BUB1B: variants seen among roughly 807,000 people sequenced by gnomAD.
BUB1B encodes the protein mitotic checkpoint serine/threonine-protein kinase BUB1 beta.
A neutral mutation model predicts 137.7 loss-of-function variants in BUB1B; 86 were observed. The ratio of observed to expected loss-of-function variants is 0.62; its 90% CI spans 0.52 to 0.75. The LOEUF (loss-of-function observed/expected upper bound fraction) is 0.75. Ranked by LOEUF, BUB1B falls within the 30% of genes least tolerant of loss-of-function variation. BUB1B has a pLI of 0.00. For synonymous variants in BUB1B, 420 were observed against 417.9 expected, an observed-to-expected ratio of 1.00 and a Z score of -0.06; for missense variants, 1,130 against 1,236.9, an observed-to-expected ratio of 0.91 and a Z score of 1.30.
intron 16 of BUB1B, 86 bp downstream of exon 16, chr15:40,208,856 A>G: frequency 7.3e-7 from 1 of 1,365,626 alleles, no homozygotes; most frequent in South Asian, 1.2e-5. Context: ...TTTTTTTGAG[A>G]CAGGGTCTCA....
chr15:40,200,962 G>A lies in BUB1B; in HGVS notation c.1549G>A (p.Glu517Lys). Residue 517 changes from glutamate (E) to lysine (K), a missense_variant, in exon 12 of 23, where the codon GAA becomes AAA. Physicochemically the swap from Glu to Lys is moderately conservative, Grantham distance 56 (BLOSUM62 1). Coordinates refer to ENST00000287598, the MANE Select transcript of BUB1B (RefSeq NM_001211.6). Reference protein sequence around the residue: ...ETSLAENIWQEQPHSKGPSVP... With the variant: ...ETSLAENIWQKQPHSKGPSVP... Reference sequence around the variant, plus strand: ...TTCACTTGCGGAGAACATTTGGCAGGAACAACCTCATTCTAAAGGTGAGTT... The same window carrying A: ...TTCACTTGCGGAGAACATTTGGCAGAAACAACCTCATTCTAAAGGTGAGTT... The A allele has an allele frequency of 1.9e-6, 3 of 1,613,284 alleles. No individual in the cohort carries two copies. The highest frequency in any genetic ancestry group is 2.5e-6 in the Non-Finnish European group (3 of 1,179,542).
intron 20 of BUB1B, 175 bp from the exon 21 acceptor site, chr15:40,217,321 T>C (rs779302164): frequency 3.1e-6 from 2 of 653,812 alleles, no homozygotes; most frequent in Non-Finnish European, 5.4e-6. Context: ...TCCTTCCGCA[T>C]TGGGTGGACA....
At chr15:40,163,607 T>C (rs2037062873) in intron 1 of BUB1B, among the ~76,000 whole-genome samples, 1 of 152,226 alleles carries the variant, frequency 6.6e-6, no homozygotes, top group African/African-American at 2.4e-5. Flanking sequence ...ATGACTGCAG[T>C]CATTCACTGA....
chr15:40,220,730 A>G lies in BUB1B; in HGVS notation c.3124A>G (p.Thr1042Ala), dbSNP rs761776038. 5.0e-6 allele frequency: 8 copies of G among 1,614,162 alleles called. No homozygotes were observed. Among genetic ancestry groups the G allele is most frequent in the Non-Finnish European group, 5.9e-6 (7 of 1,180,020 alleles). Residue 1042 changes from threonine (T) to alanine (A), a missense_variant, in exon 23 of 23, where the codon ACT becomes GCT. By Grantham distance (58) the Thr-to-Ala change is moderately conservative. Transcript: ENST00000287598. ...NKALWKVGKL[T>A]SPGALLFQ The stretch of plus-strand genomic sequence containing the variant: ...AGCCTTATGGAAGGTAGGGAAGTTA[A>G]CTAGTCCTGGGGCTTTGCTCTTTCA...
At position 40,212,534 on chromosome 15, in the gene BUB1B, C is replaced by G. The variant is rs1003355350; in HGVS notation, c.2421C>G (p.Ile807Met). 5.0e-6 allele frequency: 8 copies of G among 1,612,816 alleles called. No individual in the cohort carries two copies. The African/African-American group carries it at 1.1e-4, about 22-fold the overall frequency. The change falls in exon 19 of 23, where the codon ATC becomes ATG. Residue 807 changes from isoleucine to methionine, a missense_variant. Coordinates refer to ENST00000287598, the MANE Select transcript of BUB1B (RefSeq NM_001211.6). ...SSQPVPWDFY[I>M]NLKLKERLNE... Reference sequence around the variant, plus strand: ...AACCTGTCCCATGGGACTTTTATATCAACCTCAAGTTAAAGGAACGTTTAA... The same window carrying G: ...AACCTGTCCCATGGGACTTTTATATGAACCTCAAGTTAAAGGAACGTTTAA...
At chr15:40,182,377 C>T (rs1471330545) in intron 5 of BUB1B, among the ~76,000 whole-genome samples, 1 of 152,132 alleles carries the variant, frequency 6.6e-6, no homozygotes, top group African/African-American at 2.4e-5. Context: ...AGACTCTGAT[C>T]CTGTTGGCCA....
At chr15:40,162,486 C>T (rs1280347808) in intron 1 of BUB1B, among the ~76,000 whole-genome samples, 1 of 152,052 alleles carries the variant, frequency 6.6e-6, no homozygotes, top group African/African-American at 2.4e-5. Context: ...GCAAGGGACA[C>T]CAGTTAAGAG....
intron 5 of BUB1B, among the ~76,000 whole-genome samples, chr15:40,180,699 C>G (rs111697856): frequency 0.069 from 8,376 of 121,732 alleles, 830 homozygotes; most frequent in African/African-American, 0.24. Flanking sequence ...GTCCGGGCTA[C>G]AGTGCAGTGG....
chr15:40,183,192 C>G (rs932473003), intron 5 of BUB1B, among the ~76,000 whole-genome samples: 2 of 152,154 alleles, frequency 1.3e-5, no homozygotes, highest in African/African-American at 2.4e-5. Context: ...GTTTACTTTT[C>G]AAACTTCTGC....
rs778499288 is a variant in BUB1B, at chr15:40,196,787, C to T, written c.1288+13C>T. The T allele has an allele frequency of 3.1e-6, 5 of 1,612,048 alleles. No homozygotes were observed. The highest frequency in any genetic ancestry group is 4.2e-6 in the Non-Finnish European group (5 of 1,178,272). ...GAGCAAAGGGAAGGTGTGTGTAATT[C>T]AAGTTTGTGAAGAGGACTTAACTTA... On this transcript the variant is annotated intron_variant, in intron 9 of 22. Transcript: ENST00000287598.
In BUB1B at chr15:40,205,396, A is replaced by G. The variant is rs968825296; in HGVS notation, c.1735-788A>G. Among the ~76,000 whole-genome samples, 3 of 152,308 alleles carry G rather than the reference A, an allele frequency of 2.0e-5. No individual in the cohort carries two copies. The South Asian group carries it at 6.2e-4, about 32-fold the overall frequency. On this transcript the variant is annotated intron_variant, in intron 14 of 22. Coordinates refer to ENST00000287598, the MANE Select transcript of BUB1B (RefSeq NM_001211.6). ...ATATGGGTTAAATCAAATAGGCACT[A>G]TTTGTATACTACAGGTAAATATGTA...
chr15:40,171,792 G>T (rs2037165731), intron 4 of BUB1B, among the ~76,000 whole-genome samples: 1 of 151,994 alleles, frequency 6.6e-6, no homozygotes, highest in Non-Finnish European at 1.5e-5. Context: ...GCCTCAGCTG[G>T]GCATGGTGGC....
chr15:40,179,479 GCTT>G (rs1211018371), intron 5 of BUB1B, among the ~76,000 whole-genome samples: 2 of 152,102 alleles, frequency 1.3e-5, no homozygotes, highest in Non-Finnish European at 2.9e-5. Context: ...ATGTTAATTA[GCTT>G]CTTTAACTTT....
At chr15:40,182,380 G>A (rs989109214) in intron 5 of BUB1B, among the ~76,000 whole-genome samples, 3 of 152,146 alleles carry the variant, frequency 2.0e-5, no homozygotes, top group African/African-American at 7.2e-5. Context: ...CTCTGATCCT[G>A]TTGGCCAATA....
At chr15:40,187,235 C>T (rs574125772) in intron 8 of BUB1B, among the ~76,000 whole-genome samples, 3 of 152,118 alleles carry the variant, frequency 2.0e-5, no homozygotes, top group Non-Finnish European at 4.4e-5. Flanking sequence ...ACGCCATTCT[C>T]CTGCCTCAGC....
intron 5 of BUB1B, among the ~76,000 whole-genome samples, chr15:40,180,194 C>T (rs1356997783): frequency 6.7e-6 from 1 of 148,560 alleles, no homozygotes; most frequent in Non-Finnish European, 1.5e-5. Context: ...TTCATTTCAT[C>T]TTCTTTCCTG....
At position 40,208,673 on chromosome 15, in the gene BUB1B, C is replaced by T. The variant is rs2140905546; in HGVS notation, c.2046C>T (p.Ser682=). The T allele has an allele frequency of 6.2e-7, 1 of 1,613,862 alleles. No homozygotes were observed. Among genetic ancestry groups the T allele is most frequent in the Non-Finnish European group, 8.5e-7 (1 of 1,179,754 alleles). Residue 682 remains serine, a synonymous_variant, in exon 16 of 23, where the codon TCC becomes TCT. Transcript: ENST00000287598. The part of the protein sequence containing the change: ...IIEDSREATH[S]SGFSGSSASV... ...AAGACAGTCGTGAAGCCACACACTCCTCTGGCTTCTCTGGTTCTTCTGCCT... is the reference window on the plus strand; with the variant it reads ...AAGACAGTCGTGAAGCCACACACTCTTCTGGCTTCTCTGGTTCTTCTGCCT...
At chr15:40,204,481 A>G (rs2037612590) in intron 14 of BUB1B, among the ~76,000 whole-genome samples, 1 of 151,172 alleles carries the variant, frequency 6.6e-6, no homozygotes, top group South Asian at 2.1e-4. Context: ...AATTTTGTTA[A>G]TAAGTACCTA....
intron 5 of BUB1B, among the ~76,000 whole-genome samples, chr15:40,178,035 T>C (rs1165912380): frequency 2.0e-5 from 3 of 149,974 alleles, no homozygotes; most frequent in African/African-American, 7.6e-5. Flanking sequence ...GTTCATTTCA[T>C]TGATTTTTTT....
Sources: gnomAD v4.1 joint callset for allele counts (sites outside exome capture counted in the v4.1 genomes callset) on GRCh38, gnomAD v4.1.1 for gene constraint, MANE v1.5 for transcripts, NCBI Gene and HGNC (gene_info 2026-07-23, HGNC 2026-07-21) for gene names.